The following RELN variants were observed in gnomAD, a reference collection of about 807,000 sequenced individuals.
RELN encodes the protein reelin.
A neutral mutation model predicts 427.6 loss-of-function variants in RELN; 108 were observed. That is an observed-to-expected ratio of 0.25 (90% CI 0.22 to 0.30). RELN has a LOEUF of 0.30. RELN is among the 10% of genes least tolerant of loss of function. RELN has a pLI of 1.00. For synonymous variants in RELN, 1,524 were observed against 1,513.4 expected (o/e 1.01, Z -0.16); for missense variants, 3,715 against 4,302.8 (o/e 0.86, Z 3.82).
intron 1 of RELN, among the ~76,000 whole-genome samples, chr7:103,957,404 C>T (rs561130277): frequency 6.6e-6 from 1 of 152,284 alleles, no homozygotes; most frequent in South Asian, 2.1e-4. Flanking sequence ...GGAGTTGACT[C>T]AGTCATAACA....
intron 1 of RELN, among the ~76,000 whole-genome samples, chr7:103,925,348 A>G (rs1047791725): frequency 6.6e-6 from 1 of 152,178 alleles, no homozygotes; most frequent in Non-Finnish European, 1.5e-5. Flanking sequence ...TTTAATTCTG[A>G]ATTTTTAAAA....
chr7:103,986,895 A>T (rs1797109667), intron 1 of RELN, among the ~76,000 whole-genome samples: 1 of 151,612 alleles, frequency 6.6e-6, no homozygotes, highest in Non-Finnish European at 1.5e-5. Context: ...ACATGAGATT[A>T]AGTTTTCCTA....
At chr7:103,778,117 C>T (rs1791792021) in intron 3 of RELN, among the ~76,000 whole-genome samples, 1 of 152,186 alleles carries the variant, frequency 6.6e-6, no homozygotes, top group Non-Finnish European at 1.5e-5. Flanking sequence ...ATAGGTTTTT[C>T]TTTGCTTTCA....
chr7:103,722,511 A>G (rs1790102349), intron 8 of RELN, among the ~76,000 whole-genome samples: 1 of 152,184 alleles, frequency 6.6e-6, no homozygotes, highest in South Asian at 2.1e-4. Flanking sequence ...CAAGTTATTT[A>G]TAAATACATA....
intron 3 of RELN, among the ~76,000 whole-genome samples, chr7:103,820,030 A>AT (rs1189582575): frequency 6.6e-6 from 1 of 152,012 alleles, no homozygotes; most frequent in African/African-American, 2.4e-5. Context: ...TCATTTACAA[A>AT]ATATACAATA....
intron 46 of RELN, among the ~76,000 whole-genome samples, chr7:103,525,663 T>C (rs972695753): frequency 3.9e-5 from 6 of 152,096 alleles, no homozygotes; most frequent in Admixed American, 6.5e-5. Flanking sequence ...TAGCACATAA[T>C]TACTCGGAGC....
intron 8 of RELN, among the ~76,000 whole-genome samples, chr7:103,716,285 A>C (rs749169778): frequency 6.6e-6 from 1 of 152,094 alleles, no homozygotes; most frequent in East Asian, 1.9e-4. Flanking sequence ...GTTAATCAGC[A>C]ATGTTTACTG....
chr7:103,602,270 G>A (rs1448429048), intron 24 of RELN, among the ~76,000 whole-genome samples: 1 of 152,164 alleles, frequency 6.6e-6, no homozygotes, highest in Non-Finnish European at 1.5e-5. Context: ...TCACCAGGAG[G>A]TTGAATAATG....
intron 2 of RELN, among the ~76,000 whole-genome samples, chr7:103,845,217 T>C (rs975769561): frequency 6.6e-6 from 1 of 152,092 alleles, no homozygotes; most frequent in African/African-American, 2.4e-5. Context: ...ATTGTTGTTG[T>C]TGAGATTGAG....
intron 1 of RELN, among the ~76,000 whole-genome samples, chr7:103,939,686 C>G: frequency 6.6e-6 from 1 of 152,148 alleles, no homozygotes; most frequent in East Asian, 1.9e-4. Flanking sequence ...ATGTTTAATA[C>G]TATATACCAC....
In RELN at chr7:103,872,774, T is replaced by C. The variant is rs1357449925; in HGVS notation, c.338-39102A>G. On this transcript the variant is annotated intron_variant, in intron 2 of 64. Transcript: ENST00000428762. ...TGCCATTCTCACTGGTGTGAGATGG[T>C]ATCTCATAGTGGTTTTGATTTGCAT... 2.7e-5 allele frequency among the ~76,000 whole-genome samples: 4 copies of C among 149,394 alleles called. No individual in the cohort carries two copies. The East Asian group carries it at 8.3e-4, about 31-fold the overall frequency.
Position 103,593,513 on chromosome 7 carries a change from C to T in RELN, c.3912+169G>A, listed in dbSNP as rs535889598. 4.0e-5 allele frequency among the ~76,000 whole-genome samples: 6 copies of T among 151,836 alleles called. No individual in the cohort carries two copies. In the East Asian group the frequency reaches 9.6e-4, roughly 24 times the overall value. On this transcript the variant is annotated intron_variant, in intron 27 of 64. Transcript: ENST00000428762. The stretch of plus-strand genomic sequence containing the variant: ...CTCCTTAAAAACTAATAACTGCTTT[C>T]GAGTAGAGCTGAAAAGCTTCGCAAT...
chr7:103,926,052 T>A (rs946682785), intron 1 of RELN, among the ~76,000 whole-genome samples: 1 of 150,106 alleles, frequency 6.7e-6, no homozygotes, highest in Admixed American at 6.7e-5. Flanking sequence ...TAACTCCTAA[T>A]AGTGCCCCAA....
chr7:103,893,246 G>A (rs1794888300), intron 2 of RELN, among the ~76,000 whole-genome samples: 1 of 152,104 alleles, frequency 6.6e-6, no homozygotes, highest in Non-Finnish European at 1.5e-5. Flanking sequence ...TCTCAGGTGG[G>A]ACTCATGAAG....
At chr7:103,541,956 G>A (rs900601776) in intron 43 of RELN, among the ~76,000 whole-genome samples, 1 of 152,186 alleles carries the variant, frequency 6.6e-6, no homozygotes, top group Admixed American at 6.5e-5. Flanking sequence ...AAAATGTTAA[G>A]ATGTATTCTA....
intron 2 of RELN, among the ~76,000 whole-genome samples, chr7:103,854,062 T>C (rs2116471809): frequency 6.6e-6 from 1 of 152,322 alleles, no homozygotes; most frequent in African/African-American, 2.4e-5. Context: ...TGTATATATG[T>C]ATCGAAATGT....
intron 1 of RELN, among the ~76,000 whole-genome samples, chr7:103,921,996 C>G (rs1180650684): frequency 6.6e-6 from 1 of 152,122 alleles, no homozygotes; most frequent in Admixed American, 6.6e-5. Context: ...AGACTACTTT[C>G]CCCAGAGTTT....
chr7:103,844,556 T>G (rs544214498), intron 2 of RELN, among the ~76,000 whole-genome samples: 1 of 152,312 alleles, frequency 6.6e-6, no homozygotes, highest in East Asian at 1.9e-4. Context: ...TATACAAGTT[T>G]AAAGGGGTTA....
Position 103,989,022 on chromosome 7 carries a change from T to G in RELN, c.226+109A>C, listed in dbSNP as rs1394205847. Reference sequence around the variant, plus strand: ...ACCAAGCGCATCGCTGGGGCCAGGGTTGTCATGGTTCTTGTTTCCAAGGCC... The same window carrying G: ...ACCAAGCGCATCGCTGGGGCCAGGGGTGTCATGGTTCTTGTTTCCAAGGCC... On this transcript the variant is annotated intron_variant, in intron 1 of 64. Coordinates refer to ENST00000428762, the MANE Select transcript of RELN (RefSeq NM_005045.4). This position sits in a 1 kb window ranked among gnomAD's most constrained non-coding sequence, Gnocchi z 4.9. 4.2e-6 allele frequency: 4 copies of G among 958,302 alleles called. No individual in the cohort carries two copies. Among genetic ancestry groups the G allele is most frequent in the East Asian group, 2.4e-5 (1 of 41,068 alleles). The allele number at this position is 958,302 out of a possible 1,614,324, so 59.4% of individuals were successfully genotyped here.
Sources: allele counts gnomAD v4.1 joint callset (sites outside exome capture counted in the v4.1 genomes callset), GRCh38; gene constraint gnomAD v4.1.1; non-coding constraint Gnocchi (gnomAD v3.1); transcripts MANE v1.5; gene names NCBI Gene and HGNC (gene_info 2026-07-23, HGNC 2026-07-21).